The following CEP83 variants were observed in gnomAD, a reference collection of about 807,000 sequenced individuals.
CEP83 encodes centrosomal protein of 83 kDa.
CEP83 carries 70 observed loss-of-function variants against 101.9 expected under a neutral mutation model. The observed-to-expected ratio is 0.69, with a 90% CI of 0.57 to 0.84. The LOEUF (loss-of-function observed/expected upper bound fraction) is 0.84. Among genes scored for constraint, CEP83 ranks in the 40% least tolerant of loss-of-function variants. The pLI is 0.00. For synonymous variants in CEP83, 264 were observed against 267.9 expected, an observed-to-expected ratio of 0.99 and a Z score of 0.14; for missense variants, 715 against 787.2, an observed-to-expected ratio of 0.91 and a Z score of 1.10.
At chr12:94,444,063 T>G (rs926206694) in intron 1 of CEP83, among the ~76,000 whole-genome samples, 1 of 152,174 alleles carries the variant, frequency 6.6e-6, no homozygotes, top group South Asian at 2.1e-4. Flanking sequence ...AGAACACTGT[T>G]TGCTAACCAA....
intron 6 of CEP83, among the ~76,000 whole-genome samples, chr12:94,386,872 T>G (rs1164676469): frequency 6.6e-6 from 1 of 152,148 alleles, no homozygotes; most frequent in Non-Finnish European, 1.5e-5. Flanking sequence ...GAGATGATTT[T>G]TTAAAAGTAT....
intron 6 of CEP83, among the ~76,000 whole-genome samples, chr12:94,392,255 C>A (rs564078844): frequency 6.6e-6 from 1 of 152,300 alleles, no homozygotes; most frequent in East Asian, 1.9e-4. Context: ...CACTCCTCAG[C>A]AAATGCAAAA....
chr12:94,418,666 A>G (rs988385159), intron 2 of CEP83, among the ~76,000 whole-genome samples: 22 of 152,210 alleles, frequency 1.4e-4, no homozygotes, highest in Admixed American at 5.9e-4. Flanking sequence ...GAATGGGGAA[A>G]TGGGAGTTGA....
chr12:94,453,941 C>A (rs956441241), intron 1 of CEP83, among the ~76,000 whole-genome samples: 7 of 151,996 alleles, frequency 4.6e-5, no homozygotes, highest in Non-Finnish European at 8.8e-5. Context: ...TCTTAAAAAT[C>A]AAAAAATTAG....
At chr12:94,284,087 G>GAAAA in the CEP83 span, among the ~76,000 whole-genome samples, 6,094 of 82,330 alleles carry the variant, frequency 0.074, 183 homozygotes, top group Admixed American at 0.12. Flanking sequence ...CATGTCAGGG[G>GAAAA]AAAAAAAAAA....
At chr12:94,411,246 C>T (rs2063860978) in intron 4 of CEP83, among the ~76,000 whole-genome samples, 1 of 152,050 alleles carries the variant, frequency 6.6e-6, no homozygotes, top group Admixed American at 6.6e-5. Flanking sequence ...CTTTACAAAC[C>T]CATTTGTGTT....
the CEP83 span, chr12:94,279,562 A>G: frequency 6.2e-7 from 1 of 1,614,184 alleles, no homozygotes; most frequent in East Asian, 2.2e-5. Context: ...CTGTGACACC[A>G]TTGGCCAAGC....
At chr12:94,380,678 G>A (rs943531440) in intron 6 of CEP83, among the ~76,000 whole-genome samples, 1 of 152,170 alleles carries the variant, frequency 6.6e-6, no homozygotes, top group African/African-American at 2.4e-5. Flanking sequence ...GAGTCAATGT[G>A]TAACTCAAGT....
At chr12:94,382,446 C>A (rs2061902617) in intron 6 of CEP83, among the ~76,000 whole-genome samples, 1 of 151,414 alleles carries the variant, frequency 6.6e-6, no homozygotes, top group Admixed American at 6.6e-5. Flanking sequence ...TGACTTGTTC[C>A]CTCATTTCTA....
intron 2 of CEP83, among the ~76,000 whole-genome samples, chr12:94,416,726 G>A (rs1190227770): frequency 6.6e-6 from 1 of 152,016 alleles, no homozygotes; most frequent in South Asian, 2.1e-4. Flanking sequence ...TTCCTGAACC[G>A]TAATAAAGCT....
At chr12:94,363,881 G>T (rs2060896286) in intron 11 of CEP83, among the ~76,000 whole-genome samples, 1 of 150,774 alleles carries the variant, frequency 6.6e-6, no homozygotes, top group African/African-American at 2.4e-5. Flanking sequence ...CTGGGAGACA[G>T]AGGTTGCAGT....
chr12:94,392,524 AC>A, intron 6 of CEP83, among the ~76,000 whole-genome samples: 1 of 152,366 alleles, frequency 6.6e-6, no homozygotes, highest in Non-Finnish European at 1.5e-5. Context: ...CTAAATGCCC[AC>A]AAGACAAAGC....
At chr12:94,440,497 C>G (rs2066319604) in intron 1 of CEP83, among the ~76,000 whole-genome samples, 1 of 151,532 alleles carries the variant, frequency 6.6e-6, no homozygotes, top group Non-Finnish European at 1.5e-5. Context: ...GCGAAAAGAC[C>G]TCTACAAGGA....
chr12:94,314,548 C>A (rs1036358016), intron 14 of CEP83, among the ~76,000 whole-genome samples: 1 of 152,210 alleles, frequency 6.6e-6, no homozygotes, highest in South Asian at 2.1e-4. Context: ...ATACTTCATT[C>A]ATTCCCACAT....
At chr12:94,321,792 C>G (rs2058755021) in intron 14 of CEP83, among the ~76,000 whole-genome samples, 1 of 152,064 alleles carries the variant, frequency 6.6e-6, no homozygotes, top group Non-Finnish European at 1.5e-5. Context: ...CAGACAGTAA[C>G]AGAGCTGCTA....
intron 2 of CEP83, chr12:94,425,068 G>A: frequency 1.7e-6 from 1 of 602,532 alleles, no homozygotes; most frequent in South Asian, 2.1e-5. Flanking sequence ...CGAGGGAAAG[G>A]GGGAGAGGGA....
intron 2 of CEP83, among the ~76,000 whole-genome samples, chr12:94,417,466 A>G (rs1046979477): frequency 2.0e-5 from 3 of 152,136 alleles, no homozygotes; most frequent in Admixed American, 2.0e-4. Context: ...ACAATATTAT[A>G]ATATCCCAAA....
At chr12:94,360,570 A>C (rs1307566087) in intron 11 of CEP83, among the ~76,000 whole-genome samples, 1 of 152,046 alleles carries the variant, frequency 6.6e-6, no homozygotes, top group Non-Finnish European at 1.5e-5. Context: ...AGATCTCTAA[A>C]AGGAAAACTA....
rs2059425812 is a variant in CEP83, at chr12:94,335,855, A to T, written c.1344-191T>A. 3 of 531,222 alleles carry T rather than the reference A, an allele frequency of 5.6e-6. No homozygotes were observed. The Admixed American group carries it at 1.2e-4, about 21-fold the overall frequency. 32.9% of individuals were successfully genotyped at this position (531,222 alleles called of 1,614,324 possible). On this transcript the variant is annotated intron_variant, in intron 11 of 16. Transcript: ENST00000397809. ...TAAAACAAATTACTGCTATTGTGAT[A>T]GGAAAATCTACAAACTAGGGGCATA...
Sources: allele counts gnomAD v4.1 joint callset (sites outside exome capture counted in the v4.1 genomes callset), GRCh38; gene constraint gnomAD v4.1.1; transcripts MANE v1.5; gene names NCBI Gene and HGNC (gene_info 2026-07-23, HGNC 2026-07-21).